USP40: variants seen among roughly 807,000 people sequenced by gnomAD.
USP40 encodes the protein ubiquitin carboxyl-terminal hydrolase 40.
In USP40, 143 loss-of-function variants were observed where a neutral mutation model predicts 166.2. That is an observed-to-expected ratio of 0.86 (90% CI 0.75 to 0.99). The LOEUF (loss-of-function observed/expected upper bound fraction) is 0.99, where lower values mean the gene tolerates loss of function less well. Among genes scored for constraint, USP40 ranks in the 50% least tolerant of loss-of-function variants. The pLI is 0.00. For missense variants in USP40, 1,444 were observed against 1,479.7 expected (o/e 0.98, Z 0.40); for synonymous variants, 498 against 524.0 (o/e 0.95, Z 0.68).
At chr2:233,525,961 C>T (rs1485790575) in intron 13 of USP40, among the ~76,000 whole-genome samples, 1 of 152,160 alleles carries the variant, frequency 6.6e-6, no homozygotes, top group African/African-American at 2.4e-5. Context: ...CTCTAGCACA[C>T]ACTCATCTTC....
At chr2:233,496,275 C>T (rs971795574) in intron 24 of USP40, among the ~76,000 whole-genome samples, 6 of 152,152 alleles carry the variant, frequency 3.9e-5, no homozygotes, top group Non-Finnish European at 8.8e-5. Flanking sequence ...GCGATGCTTA[C>T]GAAAGGGCAG....
chr2:233,521,236 T>C (rs955597325), intron 16 of USP40, 122 bp from the exon 17 acceptor site: 5 of 1,119,684 alleles, frequency 4.5e-6, no homozygotes, highest in Non-Finnish European at 6.1e-6. Flanking sequence ...GTCGTCTCTA[T>C]GATAAGTGGG....
chr2:233,511,266 A>G (rs919644805), intron 20 of USP40, among the ~76,000 whole-genome samples: 94 of 152,222 alleles, frequency 6.2e-4, no homozygotes, highest in African/African-American at 2.2e-3. Context: ...AGAGTAATTA[A>G]GTCTAAAATT....
intron 13 of USP40, 92 bp from the exon 14 acceptor site, chr2:233,525,654 T>C (rs1312528024): frequency 1.1e-6 from 1 of 899,758 alleles, no homozygotes; most frequent in African/African-American, 1.7e-5. Context: ...CATATGAAGA[T>C]GACACAGAGA....
chr2:233,504,744 G>T (rs974424184), intron 21 of USP40, among the ~76,000 whole-genome samples: 3 of 151,888 alleles, frequency 2.0e-5, no homozygotes, highest in African/African-American at 7.2e-5. Flanking sequence ...GAACAAGACT[G>T]CAATACAATA....
chr2:233,546,962 T>C (rs1232773156), intron 8 of USP40: 1 of 152,164 alleles, frequency 6.6e-6, no homozygotes, highest in Admixed American at 6.5e-5. Context: ...CTTCCTCTAA[T>C]TGGGAAGGTG....
At position 233,488,321 on chromosome 2, in the gene USP40, CAA is replaced by C. The variant is rs2065081042; in HGVS notation, c.3132-19_3132-18del. Reference sequence around the variant, plus strand: ...TTATATTCCCTGATAATAAGTGAAACAAGATAATATTGAGTGACATAACATTT... The same window carrying C: ...TTATATTCCCTGATAATAAGTGAAACGATAATATTGAGTGACATAACATTT... On this transcript the variant is annotated intron_variant, in intron 27 of 31. Transcript: ENST00000678225. 1.3e-6 allele frequency: 2 copies of C among 1,575,288 alleles called. No individual in the cohort carries two copies. Among genetic ancestry groups the C allele is most frequent in the African/African-American group, 1.3e-5 (1 of 74,274 alleles).
At chr2:233,547,302 GGTAAACAT>G in intron 8 of USP40, among the ~76,000 whole-genome samples, 1 of 152,092 alleles carries the variant, frequency 6.6e-6, no homozygotes. Flanking sequence ...TCATCTCCCT[GGTAAACAT>G]GTTCCTGGTA....
chr2:233,520,881 G>A lies in USP40; in HGVS notation c.2325+110C>T, dbSNP rs7583222. 4,264 of 1,208,414 alleles carry A rather than the reference G, an allele frequency of 3.5e-3. 102 individuals carry two copies. In the East Asian group the frequency reaches 0.06, roughly 17 times the overall value. 74.9% of individuals were successfully genotyped at this position (1,208,414 alleles called of 1,614,324 possible). On this transcript the variant is annotated intron_variant, in intron 17 of 31. Coordinates refer to ENST00000678225, the MANE Select transcript of USP40 (RefSeq NM_001365479.2). ...GTTAAATAAAAAGCTGACTTCCTAA[G>A]AGCTGAAGTCTATTGAGACAACTGT...
At chr2:233,517,616 T>C (rs1344994034) in intron 18 of USP40, among the ~76,000 whole-genome samples, 1 of 152,174 alleles carries the variant, frequency 6.6e-6, no homozygotes, top group Non-Finnish European at 1.5e-5. Context: ...CTTGATCTCC[T>C]GACCTTGTGG....
chr2:233,493,155 T>C lies in USP40; in HGVS notation c.2917+270A>G, dbSNP rs1575229178. 2.0e-6 allele frequency: 1 copy of C among 497,486 alleles called. No homozygotes were observed. Among genetic ancestry groups the C allele is most frequent in the Non-Finnish European group, 3.5e-6 (1 of 283,010 alleles). 30.8% of individuals were successfully genotyped at this position (497,486 alleles called of 1,614,324 possible). ...CTGTTGCCCTGAGGATCTTGAGAGA[T>C]GATACATAAAAGTCTTTGGAAAGTG... On this transcript the variant is annotated intron_variant, in intron 25 of 31. Coordinates refer to ENST00000678225, the MANE Select transcript of USP40 (RefSeq NM_001365479.2). The surrounding 1 kb of genome is among the most constrained non-coding windows in gnomAD (Gnocchi z 4.7).
intron 18 of USP40, among the ~76,000 whole-genome samples, chr2:233,518,251 T>TAAA (rs1156279626): frequency 5.0e-4 from 25 of 49,832 alleles, no homozygotes; most frequent in East Asian, 1.6e-3. Flanking sequence ...TAACAGATTC[T>TAAA]AAAAAAAAAA....
rs1432870126 is a variant in USP40 at position 233,523,152 on chromosome 2, C to T, written c.2201+18G>A. The stretch of plus-strand genomic sequence containing the variant: ...AAAATGACTTTTAGAAATCCTTTTT[C>T]TCTTGTTAGCGAGTTACCTGTTATC... On this transcript the variant is annotated intron_variant, in intron 16 of 31. Coordinates refer to ENST00000678225, the MANE Select transcript of USP40 (RefSeq NM_001365479.2). 2.5e-6 allele frequency: 4 copies of T among 1,579,876 alleles called. No individual in the cohort carries two copies. The highest frequency in any genetic ancestry group is 3.6e-5 in the Admixed American group (2 of 55,166).
intron 1 of USP40, among the ~76,000 whole-genome samples, chr2:233,566,352 G>A (rs1029867279): frequency 2.0e-5 from 3 of 152,160 alleles, no homozygotes; most frequent in Non-Finnish European, 4.4e-5. Flanking sequence ...GGTACCAAAT[G>A]ACAGGAAGCG....
chr2:233,532,777 A>T (rs1200087458), intron 11 of USP40, among the ~76,000 whole-genome samples: 1 of 152,114 alleles, frequency 6.6e-6, no homozygotes, highest in East Asian at 1.9e-4. Flanking sequence ...CCCTGTCTCT[A>T]AAAAAATGAA....
chr2:233,560,674 TA>T (rs2071500833), intron 3 of USP40: 1 of 221,418 alleles, frequency 4.5e-6, no homozygotes, highest in Admixed American at 5.1e-5. Flanking sequence ...ACTTTTGAGT[TA>T]TGTTTAAGCA....
rs562053204 is a variant in USP40, at chr2:233,518,746, C to T, written c.2383+868G>A. Among the ~76,000 whole-genome samples, 8 of 152,068 alleles carry T rather than the reference C, an allele frequency of 5.3e-5. No homozygotes were observed. The South Asian group carries it at 6.2e-4, about 12-fold the overall frequency. ...TGCAAATGACCCAGCAATTCCAATC[C>T]GGTACATGTACCCAAGAGAAATGAA... On this transcript the variant is annotated intron_variant, in intron 18 of 31. Coordinates refer to ENST00000678225, the MANE Select transcript of USP40 (RefSeq NM_001365479.2).
chr2:233,510,506 G>A (rs906043847), intron 20 of USP40, among the ~76,000 whole-genome samples: 2 of 144,648 alleles, frequency 1.4e-5, no homozygotes, highest in African/African-American at 5.2e-5. Context: ...AAGTTCAAGC[G>A]ATTCTCCTAC....
intron 13 of USP40, 139 bp from the exon 14 acceptor site, chr2:233,525,701 G>C: frequency 1.8e-6 from 1 of 560,992 alleles, no homozygotes; most frequent in South Asian, 3.0e-5. Flanking sequence ...ACCCAACACC[G>C]AAAACTTGAA....
Sources: allele counts gnomAD v4.1 joint callset (sites outside exome capture counted in the v4.1 genomes callset), GRCh38; gene constraint gnomAD v4.1.1; non-coding constraint Gnocchi (gnomAD v3.1); transcripts MANE v1.5; gene names NCBI Gene and HGNC (gene_info 2026-07-23, HGNC 2026-07-21).